Variants in GCLC observed in about 807,000 individuals in gnomAD.
GCLC encodes glutamate--cysteine ligase catalytic subunit.
GCLC carries 30 observed loss-of-function variants against 81.5 expected under a neutral mutation model. The ratio of observed to expected loss-of-function variants is 0.37; its 90% CI spans 0.28 to 0.50. The LOEUF (loss-of-function observed/expected upper bound fraction) is 0.50, where lower values mean the gene tolerates loss of function less well. GCLC is among the 20% of genes least tolerant of loss of function. The probability of loss-of-function intolerance (pLI) is 0.96; values close to 1 mark genes in which losing one functional copy is unlikely to be tolerated. For synonymous variants in GCLC, 262 were observed against 273.3 expected (o/e 0.96, Z 0.41); for missense variants, 556 against 777.4 (o/e 0.72, Z 3.39).
intron 12 of GCLC, chr6:53,500,825 T>G: frequency 2.4e-6 from 1 of 420,086 alleles, no homozygotes; most frequent in South Asian, 2.2e-5. Context: ...ATATACAGTG[T>G]TGGGAGGGCA....
intron 6 of GCLC, among the ~76,000 whole-genome samples, chr6:53,511,595 A>G (rs1764742833): frequency 6.6e-6 from 1 of 152,292 alleles, no homozygotes; most frequent in East Asian, 1.9e-4. Flanking sequence ...TTTTAAATGC[A>G]TTTAGTAATT....
chr6:53,543,447 A>G lies in GCLC; in HGVS notation c.150+1049T>C, dbSNP rs1297591246. Among the ~76,000 whole-genome samples, 4 of 14,074 alleles carry G rather than the reference A, an allele frequency of 2.8e-4. No homozygotes were observed. The Admixed American group carries it at 3.4e-3, about 12-fold the overall frequency. The allele number at this position is 14,074 out of a possible 152,430, so 9.2% of individuals were successfully genotyped here. ...TAGGAGGTAGAATCCCAATCTTAGA[A>G]AAAAAAAAAAAACTAACTTTTTGAA... is the stretch of plus-strand genomic sequence containing the variant. On this transcript the variant is annotated intron_variant, in intron 1 of 15. Transcript: ENST00000650454.
rs1279053240 is a variant in GCLC at position 53,545,049 on chromosome 6, C to T, written c.-404G>A. ...GCTTCTTCCTACTTGTGACCAAAAC[C>T]TGCGCCGCCGCGGAGCATGCCCAGT... On this transcript the variant is annotated 5_prime_UTR_variant, in exon 1 of 16. Coordinates refer to ENST00000650454, the MANE Select transcript of GCLC (RefSeq NM_001498.4). 6.4e-6 allele frequency: 1 copy of T among 157,342 alleles called. No individual in the cohort carries two copies. The highest frequency in any genetic ancestry group is 1.4e-5 in the Non-Finnish European group (1 of 71,648). 9.7% of individuals were successfully genotyped at this position (157,342 alleles called of 1,614,324 possible).
At chr6:53,503,840 A>C (rs73743529) in intron 12 of GCLC, among the ~76,000 whole-genome samples, 1,714 of 152,328 alleles carry the variant, frequency 0.011, 45 homozygotes, top group African/African-American at 0.038. Context: ...CAGGATTTCC[A>C]TAATTTCCAT....
rs182812658 is a variant in GCLC at position 53,531,705 on chromosome 6, G to C, written c.151-9178C>G. Among the ~76,000 whole-genome samples the C allele has an allele frequency of 4.5e-3, 679 of 152,178 alleles. 7 individuals are homozygous for C. The highest frequency in any genetic ancestry group is 0.015 in the African/African-American group (638 of 41,526). On this transcript the variant is annotated intron_variant, in intron 1 of 15. Coordinates refer to ENST00000650454, the MANE Select transcript of GCLC (RefSeq NM_001498.4). ...GGCTCTTGTGTGCTTCAAGTCAAGT[G>C]CCACTCCTTCAGAGACCTTTGCTGA... is the stretch of plus-strand genomic sequence containing the variant.
rs1764609763 is a variant in GCLC, at chr6:53,506,126, C to T, written c.1198-231G>A. 3 of 473,998 alleles carry T rather than the reference C, an allele frequency of 6.3e-6. No homozygotes were observed. The highest frequency in any genetic ancestry group is 6.1e-5 in the South Asian group (3 of 49,044). The allele number at this position is 473,998 out of a possible 1,614,324, so 29.4% of individuals were successfully genotyped here. ...GGCCCTATCACTGCAAGCTTAATCT[C>T]ACCCAGCTCCTACTCCCTATCTCCC... On this transcript the variant is annotated intron_variant, in intron 10 of 15. Coordinates refer to ENST00000650454, the MANE Select transcript of GCLC (RefSeq NM_001498.4). The surrounding 1 kb of genome is among the most constrained non-coding windows in gnomAD (Gnocchi z 4.0).
At chr6:53,499,386 GAATA>G (rs774985699) in intron 15 of GCLC, among the ~76,000 whole-genome samples, 2 of 152,184 alleles carry the variant, frequency 1.3e-5, no homozygotes, top group Non-Finnish European at 2.9e-5. Context: ...GAGGTGGAGA[GAATA>G]AAGAACAGTA....
chr6:53,541,001 G>A (rs1763344203), intron 1 of GCLC, among the ~76,000 whole-genome samples: 1 of 152,174 alleles, frequency 6.6e-6, no homozygotes, highest in African/African-American at 2.4e-5. Flanking sequence ...GATCACCTGA[G>A]GTCAGGAGTT....
chr6:53,503,750 T>G (rs1764558266), intron 12 of GCLC, among the ~76,000 whole-genome samples: 1 of 142,548 alleles, frequency 7.0e-6, no homozygotes, highest in African/African-American at 2.8e-5. Context: ...CTTTGATTAT[T>G]GTATATCTTT....
chr6:53,508,479 T>C (rs1262488446), intron 8 of GCLC, 116 bp downstream of exon 8: 1 of 774,678 alleles, frequency 1.3e-6, no homozygotes, highest in Non-Finnish European at 2.4e-6. Context: ...AGACCAAATC[T>C]TTTTCCCCAT....
At chr6:53,529,888 A>G (rs1763144139) in intron 1 of GCLC, among the ~76,000 whole-genome samples, 1 of 152,242 alleles carries the variant, frequency 6.6e-6, no homozygotes, top group Non-Finnish European at 1.5e-5. Context: ...GCATGGGGAC[A>G]AGACAGAGAA....
intron 15 of GCLC, among the ~76,000 whole-genome samples, chr6:53,499,558 C>G (rs1284340220): frequency 6.6e-6 from 1 of 152,136 alleles, no homozygotes; most frequent in Non-Finnish European, 1.5e-5. Context: ...CAGCTGACAG[C>G]TCCCTTGTGC....
intron 6 of GCLC, 141 bp downstream of exon 6, chr6:53,514,063 A>AC (rs1561942524): frequency 6.6e-6 from 5 of 754,054 alleles, no homozygotes; most frequent in Non-Finnish European, 9.1e-6. Context: ...ATATAACTTC[A>AC]TGTTTTTCAG....
chr6:53,509,006 T>C (rs1016890404), intron 7 of GCLC, among the ~76,000 whole-genome samples, 170 bp downstream of exon 7: 1 of 152,230 alleles, frequency 6.6e-6, no homozygotes, highest in African/African-American at 2.4e-5. Flanking sequence ...AGTAAACTTC[T>C]ACAGTGTAGA....
intron 1 of GCLC, among the ~76,000 whole-genome samples, chr6:53,526,933 T>C (rs528635946): frequency 3.5e-4 from 53 of 152,312 alleles, no homozygotes; most frequent in African/African-American, 1.3e-3. Flanking sequence ...TCAGAGCAGT[T>C]ACAGGCAGTT....
rs148359787 is a variant in GCLC, at chr6:53,508,757, T to C, written c.829-46A>G. Reference sequence around the variant, plus strand: ...GCTCCTGCAAATTCAAAGTGTCACTTACATGCTAAAAAAAGCTCCATGCAG... The same window carrying C: ...GCTCCTGCAAATTCAAAGTGTCACTCACATGCTAAAAAAAGCTCCATGCAG... On this transcript the variant is annotated intron_variant, in intron 7 of 15. Transcript: ENST00000650454. The C allele has an allele frequency of 7.6e-4, 969 of 1,280,842 alleles. 7 individuals carry two copies. In the African/African-American group the frequency reaches 0.012, roughly 16 times the overall value. 79.3% of individuals were successfully genotyped at this position (1,280,842 alleles called of 1,614,324 possible).
intron 1 of GCLC, among the ~76,000 whole-genome samples, chr6:53,544,265 G>GA (rs1763407694): frequency 6.6e-6 from 1 of 152,198 alleles, no homozygotes; most frequent in South Asian, 2.1e-4. Context: ...GAATGAAGGG[G>GA]AAAACCCAAA....
At chr6:53,521,039 T>C in intron 2 of GCLC, 79 bp from the exon 3 acceptor site, 1 of 1,136,372 alleles carries the variant, frequency 8.8e-7, no homozygotes, top group African/African-American at 1.5e-5. Context: ...AAAGTTGCTT[T>C]AAAAGTGTAG....
In GCLC at chr6:53,544,904, C is replaced by T. The variant is rs886742437; in HGVS notation, c.-259G>A. On this transcript the variant is annotated 5_prime_UTR_variant, in exon 1 of 16. Transcript: ENST00000650454. Reference sequence around the variant, plus strand: ...AAGACCGAGAGCAGGCGGGACGGCTCTCGGCCCGGCGGCCTCGCCCTCCCC... The same window carrying T: ...AAGACCGAGAGCAGGCGGGACGGCTTTCGGCCCGGCGGCCTCGCCCTCCCC... The T allele has an allele frequency of 3.3e-6, 1 of 302,770 alleles. No homozygotes were observed. The highest frequency in any genetic ancestry group is 6.0e-6 in the Non-Finnish European group (1 of 165,362). The allele number at this position is 302,770 out of a possible 1,614,324, so 18.8% of individuals were successfully genotyped here. A position where few individuals can be genotyped will look rare whatever the true frequency, so the allele number is the denominator to read the frequency against.
Sources: allele counts gnomAD v4.1 joint callset (sites outside exome capture counted in the v4.1 genomes callset), GRCh38; gene constraint gnomAD v4.1.1; non-coding constraint Gnocchi (gnomAD v3.1); transcripts MANE v1.5; gene names NCBI Gene and HGNC (gene_info 2026-07-23, HGNC 2026-07-21).